GRM1: variants seen among roughly 807,000 people sequenced by gnomAD.
The protein encoded by GRM1 is metabotropic glutamate receptor 1.
A neutral mutation model predicts 90.9 loss-of-function variants in GRM1; 33 were observed. That is an observed-to-expected ratio of 0.36 (90% CI 0.28 to 0.49). The LOEUF is 0.49. Among genes scored for constraint, GRM1 ranks in the 20% least tolerant of loss-of-function variants. The pLI, the probability that GRM1 is intolerant of heterozygous loss-of-function variation, is 0.99. For synonymous variants in GRM1, 700 were observed against 613.2 expected, an observed-to-expected ratio of 1.14 and a Z score of -2.09; for missense variants, 1,190 against 1,534.3, an observed-to-expected ratio of 0.78 and a Z score of 3.75.
intron 2 of GRM1, among the ~76,000 whole-genome samples, chr6:146,257,368 G>A (rs1488915172): frequency 6.6e-6 from 1 of 152,054 alleles, no homozygotes; most frequent in Non-Finnish European, 1.5e-5. Context: ...GTTAATGAGT[G>A]CTCATTAAGT....
chr6:146,106,595 G>T (rs914531059), intron 1 of GRM1, among the ~76,000 whole-genome samples: 1 of 152,138 alleles, frequency 6.6e-6, no homozygotes, highest in African/African-American at 2.4e-5. Flanking sequence ...TGTAACCATT[G>T]ATTTTGTTAT....
intron 2 of GRM1, among the ~76,000 whole-genome samples, chr6:146,208,568 A>G (rs1169225649): frequency 6.6e-6 from 1 of 152,116 alleles, no homozygotes; most frequent in African/African-American, 2.4e-5. Flanking sequence ...GACTCTGCCA[A>G]TCTTTCTTCA....
intron 1 of GRM1, among the ~76,000 whole-genome samples, chr6:146,083,433 T>A (rs978818687): frequency 3.3e-5 from 5 of 152,242 alleles, no homozygotes; most frequent in African/African-American, 1.2e-4. Flanking sequence ...TTGAGAGTTT[T>A]TAACATGAAG....
chr6:146,272,963 T>C (rs1037961421), intron 2 of GRM1, among the ~76,000 whole-genome samples: 4 of 152,104 alleles, frequency 2.6e-5, no homozygotes, highest in East Asian at 1.9e-4. Context: ...AATGAGATCA[T>C]TGGGTACCAG....
intron 2 of GRM1, among the ~76,000 whole-genome samples, chr6:146,226,943 T>C (rs910873652): frequency 2.0e-5 from 3 of 152,052 alleles, no homozygotes; most frequent in African/African-American, 7.2e-5. Context: ...CCTCAGTAAA[T>C]AGGAGAACTG....
chr6:146,320,176 G>C (rs1784123227), intron 3 of GRM1, among the ~76,000 whole-genome samples: 1 of 152,094 alleles, frequency 6.6e-6, no homozygotes, highest in Non-Finnish European at 1.5e-5. Context: ...TAGCATGAAG[G>C]GGTGTTTAAT....
intron 1 of GRM1, among the ~76,000 whole-genome samples, chr6:146,064,740 G>A (rs1376103451): frequency 6.8e-6 from 1 of 147,158 alleles, no homozygotes; most frequent in Non-Finnish European, 1.5e-5. Context: ...GCAGTGAGCC[G>A]AGATCGCGCC....
At chr6:146,263,946 C>T (rs935500286) in intron 2 of GRM1, among the ~76,000 whole-genome samples, 1 of 152,074 alleles carries the variant, frequency 6.6e-6, no homozygotes, top group Non-Finnish European at 1.5e-5. Context: ...ATTGCATTAC[C>T]TTAGAACACT....
intron 5 of GRM1, among the ~76,000 whole-genome samples, chr6:146,373,021 A>G (rs958812937): frequency 1.3e-5 from 2 of 152,090 alleles, no homozygotes; most frequent in Non-Finnish European, 2.9e-5. Flanking sequence ...GTCTTTTGAA[A>G]GGGATTGCAT....
intron 2 of GRM1, among the ~76,000 whole-genome samples, chr6:146,223,309 T>G (rs1780133847): frequency 6.6e-6 from 1 of 152,116 alleles, no homozygotes; most frequent in Non-Finnish European, 1.5e-5. Flanking sequence ...AGAAAAACTT[T>G]CCATCTAAGC....
chr6:146,389,346 T>A (rs1259688983), intron 6 of GRM1, among the ~76,000 whole-genome samples: 1 of 152,178 alleles, frequency 6.6e-6, no homozygotes, highest in Admixed American at 6.6e-5. Flanking sequence ...ACTGCTCTAT[T>A]TCATTTTCAT....
At chr6:146,404,277 G>C (rs1467671479) in intron 7 of GRM1, among the ~76,000 whole-genome samples, 1 of 152,064 alleles carries the variant, frequency 6.6e-6, no homozygotes, top group Non-Finnish European at 1.5e-5. Context: ...TGTTTCAACA[G>C]TAAGCTTAAA....
In GRM1 at chr6:146,390,928, T is replaced by C. The variant is rs1776692887; in HGVS notation, c.1729+3912T>C. 2.0e-5 allele frequency among the ~76,000 whole-genome samples: 3 copies of C among 152,076 alleles called. 1 individual carries two copies. Among genetic ancestry groups the C allele is most frequent in the Admixed American group, 2.0e-4 (3 of 15,240 alleles). On this transcript the variant is annotated intron_variant, in intron 6 of 7. Coordinates refer to ENST00000282753, the MANE Select transcript of GRM1 (RefSeq NM_001278064.2). ...CCTTTGCAGAAGAAGGGACATTTGATCTGAGCACTGAATTACAAACAGAAT... is the reference window on the plus strand; with the variant it reads ...CCTTTGCAGAAGAAGGGACATTTGACCTGAGCACTGAATTACAAACAGAAT...
At chr6:146,104,167 G>A (rs909076870) in intron 1 of GRM1, among the ~76,000 whole-genome samples, 3 of 152,190 alleles carry the variant, frequency 2.0e-5, no homozygotes, top group Admixed American at 1.3e-4. Context: ...CCAGCTGGGC[G>A]CGGTGGCTTA....
chr6:146,270,849 T>TTTTCTTTCTTTCTTTCTTTCTTTCTTTTC (rs1782096277), intron 2 of GRM1, among the ~76,000 whole-genome samples: 2 of 91,688 alleles, frequency 2.2e-5, no homozygotes, highest in Admixed American at 1.1e-4. Flanking sequence ...CTTTCTTTCT[T>TTTTCTTTCTTTCTTTCTTTCTTTCTTTTC]TTTCTTTCTT....
intron 2 of GRM1, among the ~76,000 whole-genome samples, chr6:146,234,104 T>C (rs1780544050): frequency 2.0e-5 from 3 of 152,202 alleles, no homozygotes; most frequent in Non-Finnish European, 2.9e-5. Flanking sequence ...ATGTTATAGT[T>C]GTACTTGATT....
At chr6:146,097,498 T>C (rs2128869412) in intron 1 of GRM1, among the ~76,000 whole-genome samples, 1 of 152,268 alleles carries the variant, frequency 6.6e-6, no homozygotes, top group South Asian at 2.1e-4. Context: ...TGGAATGCAT[T>C]TGCAAAACTA....
intron 1 of GRM1, among the ~76,000 whole-genome samples, chr6:146,108,461 G>T (rs1023712170): frequency 6.6e-6 from 1 of 152,122 alleles, no homozygotes; most frequent in Non-Finnish European, 1.5e-5. Context: ...TTTCTTGTCT[G>T]CTGCCATTTG....
chr6:146,129,629 A>G (rs1776317245), intron 1 of GRM1, among the ~76,000 whole-genome samples: 1 of 152,160 alleles, frequency 6.6e-6, no homozygotes, highest in Non-Finnish European at 1.5e-5. Flanking sequence ...TAGTGAAGCT[A>G]GGCCACTCTA....
Sources: gnomAD v4.1 joint callset for allele counts (sites outside exome capture counted in the v4.1 genomes callset) on GRCh38, gnomAD v4.1.1 for gene constraint, MANE v1.5 for transcripts, NCBI Gene and HGNC (gene_info 2026-07-23, HGNC 2026-07-21) for gene names.